The following COL21A1 variants were observed in gnomAD, a reference collection of about 807,000 sequenced individuals.
COL21A1 encodes the protein collagen alpha-1(XXI) chain.
Under a neutral mutation model 137.9 loss-of-function variants are expected in COL21A1, and 149 were observed. That is an observed-to-expected ratio of 1.08 (90% CI 0.95 to 1.24). COL21A1 has a LOEUF of 1.24. Ranked by LOEUF, COL21A1 falls within the 50% of genes most tolerant of loss-of-function variation. The pLI is 0.00. For missense variants in COL21A1, 1,167 were observed against 1,158.4 expected, an observed-to-expected ratio of 1.01 and a Z score of -0.11; for synonymous variants, 456 against 391.5, an observed-to-expected ratio of 1.16 and a Z score of -1.95.
intron 1 of COL21A1, among the ~76,000 whole-genome samples, chr6:56,262,601 T>C (rs1302250769): frequency 1.3e-5 from 2 of 152,104 alleles, no homozygotes; most frequent in Admixed American, 1.3e-4. Flanking sequence ...AAATTGTATT[T>C]TATTCATCAA....
rs201654196 is a variant in COL21A1 at position 56,064,631 on chromosome 6, TA to T, written c.2128-10del. ...TTTTCTCCCTTTTGACCCTTTAAAA[TA>T]AAAAAAAACATTATTGATTAGTTTG... On this transcript the variant is annotated splice_polypyrimidine_tract_variant and intron_variant, in intron 23 of 29. Transcript: ENST00000244728. 132 of 1,553,648 alleles carry T rather than the reference TA, an allele frequency of 8.5e-5. No homozygotes were observed. Among genetic ancestry groups the T allele is most frequent in the South Asian group, 1.8e-4 (15 of 83,966 alleles).
At chr6:56,327,320 T>A (rs1359831030) in intron 1 of COL21A1, among the ~76,000 whole-genome samples, 3 of 151,914 alleles carry the variant, frequency 2.0e-5, no homozygotes, top group Admixed American at 2.0e-4. Context: ...GAAATAAAGA[T>A]AAATTACTAA....
intron 1 of COL21A1, among the ~76,000 whole-genome samples, chr6:56,265,027 G>T (rs868371816): frequency 6.6e-6 from 1 of 152,206 alleles, no homozygotes; most frequent in African/African-American, 2.4e-5. Flanking sequence ...GAGATACCAA[G>T]ATCTCATTTC....
At chr6:56,359,222 C>T (rs976923189) in intron 1 of COL21A1, among the ~76,000 whole-genome samples, 11 of 152,138 alleles carry the variant, frequency 7.2e-5, no homozygotes, top group Non-Finnish European at 1.3e-4. Flanking sequence ...ATATACTTAT[C>T]CAGTAACCTT....
At chr6:56,271,002 G>A (rs894676395) in intron 1 of COL21A1, among the ~76,000 whole-genome samples, 8 of 152,158 alleles carry the variant, frequency 5.3e-5, no homozygotes, top group African/African-American at 1.7e-4. Context: ...TACCAGGAGT[G>A]GGGCACTGCT....
intron 1 of COL21A1, among the ~76,000 whole-genome samples, chr6:56,326,015 AT>A: frequency 3.6e-4 from 1 of 2,756 alleles, no homozygotes; most frequent in Non-Finnish European, 1.1e-3. Context: ...TATTATGTAT[AT>A]GTATATACAT....
intron 1 of COL21A1, among the ~76,000 whole-genome samples, chr6:56,280,181 A>T (rs2152333792): frequency 6.6e-6 from 1 of 152,334 alleles, no homozygotes; most frequent in East Asian, 1.9e-4. Flanking sequence ...GGACTCATCT[A>T]GGACACCTAA....
intron 17 of COL21A1, chr6:56,091,676 T>C (rs951042637): frequency 6.6e-6 from 1 of 152,472 alleles, no homozygotes; most frequent in Non-Finnish European, 1.5e-5. Flanking sequence ...TTAGATTGCC[T>C]GATGAAAATG....
intron 3 of COL21A1, among the ~76,000 whole-genome samples, chr6:56,176,520 C>T (rs1294272292): frequency 6.6e-6 from 1 of 150,884 alleles, no homozygotes; most frequent in African/African-American, 2.4e-5. Flanking sequence ...AAATGTCCAA[C>T]ATCACTAATC....
At chr6:56,073,019 ACATTGTT>A (rs1766889856) in intron 20 of COL21A1, among the ~76,000 whole-genome samples, 1 of 151,414 alleles carries the variant, frequency 6.6e-6, no homozygotes, top group Non-Finnish European at 1.5e-5. Flanking sequence ...TAGACAGCAC[ACATTGTT>A]CTAAAACCTT....
In COL21A1 at chr6:56,262,429, T is replaced by C. The variant is rs74764519; in HGVS notation, c.-38-79773A>G. On this transcript the variant is annotated intron_variant, in intron 1 of 28. Transcript: ENST00000370819. ...AAGCCAATGACATGGTATCTTAGTATGAGCTCCCTAGAAAACAGAGCCTAA... is the reference window on the plus strand; with the variant it reads ...AAGCCAATGACATGGTATCTTAGTACGAGCTCCCTAGAAAACAGAGCCTAA... Among the ~76,000 whole-genome samples, 1,187 of 152,224 alleles carry C rather than the reference T, an allele frequency of 7.8e-3. 9 individuals carry two copies. The highest frequency in any genetic ancestry group is 0.013 in the Non-Finnish European group (866 of 68,022).
chr6:56,093,680 T>C (rs1396930265), intron 17 of COL21A1, among the ~76,000 whole-genome samples: 1 of 152,186 alleles, frequency 6.6e-6, no homozygotes, highest in African/African-American at 2.4e-5. Flanking sequence ...TGAGTAGTTT[T>C]ATCAGCCTGC....
intron 1 of COL21A1, among the ~76,000 whole-genome samples, chr6:56,320,518 A>AACACACAC (rs55942460): frequency 6.0e-5 from 9 of 149,492 alleles, no homozygotes; most frequent in Admixed American, 1.3e-4. Context: ...ACACAATCTG[A>AACACACAC]ACACACACAC....
chr6:56,084,242 TAA>T (rs966436885), intron 17 of COL21A1, among the ~76,000 whole-genome samples: 27 of 151,280 alleles, frequency 1.8e-4, no homozygotes, highest in Non-Finnish European at 3.1e-4. Context: ...AAAACATTAA[TAA>T]GAGAGATTAG....
At chr6:56,123,570 C>T (rs1430291387) in intron 16 of COL21A1, among the ~76,000 whole-genome samples, 1 of 152,134 alleles carries the variant, frequency 6.6e-6, no homozygotes, top group African/African-American at 2.4e-5. Context: ...TCAGCTAACT[C>T]CTAACTTTAA....
intron 1 of COL21A1, among the ~76,000 whole-genome samples, chr6:56,222,262 A>T (rs1230263135): frequency 6.6e-6 from 1 of 152,114 alleles, no homozygotes; most frequent in African/African-American, 2.4e-5. Flanking sequence ...AACAAGAGTG[A>T]AATTCCGTCT....
rs561432758 is a variant in COL21A1 at position 56,382,955 on chromosome 6, C to T, written c.-39+11016G>A. 9.2e-5 allele frequency among the ~76,000 whole-genome samples: 14 copies of T among 152,300 alleles called. No individual in the cohort carries two copies. In the South Asian group the frequency reaches 2.9e-3, roughly 32 times the overall value. Reference sequence around the variant, plus strand: ...CACATTTCCTCACATAGTCCCCCGACCCATACCTCAACAGTACTCACAGTC... The same window carrying T: ...CACATTTCCTCACATAGTCCCCCGATCCATACCTCAACAGTACTCACAGTC... On this transcript the variant is annotated intron_variant, in intron 1 of 28. Transcript: ENST00000370819.
intron 1 of COL21A1, among the ~76,000 whole-genome samples, chr6:56,205,726 A>G (rs1290737676): frequency 6.6e-6 from 1 of 152,240 alleles, no homozygotes; most frequent in African/African-American, 2.4e-5. Context: ...TGTTAAGGGC[A>G]GCCAGAGAGA....
In COL21A1 at chr6:56,179,859, A is replaced by C; in HGVS notation, c.359T>G (p.Ile120Ser). 1 of 1,613,990 alleles carries C rather than the reference A, an allele frequency of 6.2e-7. No homozygotes were observed. Among genetic ancestry groups the C allele is most frequent in the East Asian group, 2.2e-5 (1 of 44,878 alleles). ...AAAAAGGTAATCGAGCGCAAACTGG[A>C]TGGCCTTCCCTGTCTTTGTGTTTCC... Reference protein sequence around the residue: ...LGGNTKTGKAIQFALDYLFAK... With the variant: ...LGGNTKTGKASQFALDYLFAK... Residue 120 changes from isoleucine (I) to serine (S), a missense_variant, in exon 3 of 30, where the codon ATC (isoleucine) becomes AGC (serine). By Grantham distance (142) the Ile-to-Ser change is moderately radical (BLOSUM62 -2). Transcript: ENST00000244728.
Sources: gnomAD v4.1 joint callset for allele counts (sites outside exome capture counted in the v4.1 genomes callset) on GRCh38, gnomAD v4.1.1 for gene constraint, MANE v1.5 for transcripts, NCBI Gene and HGNC (gene_info 2026-07-23, HGNC 2026-07-21) for gene names.